PDE1A: variants seen among roughly 807,000 people sequenced by gnomAD.
PDE1A encodes the protein dual specificity calcium/calmodulin-dependent 3',5'-cyclic nucleotide phosphodiesterase 1A.
Under a neutral mutation model 61.7 loss-of-function variants are expected in PDE1A, and 35 were observed. The observed-to-expected ratio is 0.57, with a 90% CI of 0.43 to 0.75. PDE1A has a LOEUF of 0.75. Among genes scored for constraint, PDE1A ranks in the 30% least tolerant of loss-of-function variants. The pLI, the probability that PDE1A is intolerant of heterozygous loss-of-function variation, is 0.00. For synonymous variants in PDE1A, 232 were observed against 213.2 expected (o/e 1.09, Z -0.77); for missense variants, 597 against 630.6 (o/e 0.95, Z 0.57).
intron 1 of PDE1A, among the ~76,000 whole-genome samples, chr2:182,343,160 CATAATTCAATTT>C (rs1320260930): frequency 1.1e-4 from 17 of 152,204 alleles, no homozygotes; most frequent in South Asian, 2.1e-4. Flanking sequence ...TTAGAGTGTG[CATAATTCAATTT>C]ACAATGTCAC....
the PDE1A span, among the ~76,000 whole-genome samples, chr2:182,623,401 GA>G: frequency 1.3e-5 from 2 of 151,890 alleles, no homozygotes; most frequent in Admixed American, 6.6e-5. Flanking sequence ...CCAAAAGACA[GA>G]AAAAAAACAT....
chr2:182,193,715 ATATAAC>A (rs1327794312), intron 10 of PDE1A, among the ~76,000 whole-genome samples: 5 of 152,174 alleles, frequency 3.3e-5, no homozygotes, highest in Non-Finnish European at 7.4e-5. Flanking sequence ...TATTGGTCTG[ATATAAC>A]TATATTTCTG....
At chr2:182,224,865 C>T (rs2125614556) in intron 6 of PDE1A, among the ~76,000 whole-genome samples, 1 of 152,018 alleles carries the variant, frequency 6.6e-6, no homozygotes, top group Middle Eastern at 3.4e-3. Context: ...CAAAACATTT[C>T]CATCACCACA....
the PDE1A span, among the ~76,000 whole-genome samples, chr2:182,654,568 T>C: frequency 6.6e-6 from 1 of 152,184 alleles, no homozygotes; most frequent in South Asian, 2.1e-4. Flanking sequence ...GCTCAGATAA[T>C]TTATCCAAAG....
intron 1 of PDE1A, among the ~76,000 whole-genome samples, chr2:182,329,791 T>C (rs1246976940): frequency 6.6e-6 from 1 of 152,218 alleles, no homozygotes; most frequent in East Asian, 1.9e-4. Flanking sequence ...GTTTTCTTCA[T>C]ACTAATTATC....
intron 2 of PDE1A, among the ~76,000 whole-genome samples, chr2:182,467,522 G>C (rs1686751652): frequency 6.6e-6 from 1 of 151,850 alleles, no homozygotes; most frequent in South Asian, 2.1e-4. Flanking sequence ...TCAGAGAGTA[G>C]AGTATTAGAA....
At chr2:182,385,232 C>G (rs573070774) in intron 1 of PDE1A, among the ~76,000 whole-genome samples, 1 of 152,278 alleles carries the variant, frequency 6.6e-6, no homozygotes, top group East Asian at 1.9e-4. Context: ...AAGTACAAAT[C>G]TCACTGCTAG....
intron 2 of PDE1A, among the ~76,000 whole-genome samples, chr2:182,255,486 G>T (rs1691709276): frequency 6.6e-6 from 1 of 152,006 alleles, no homozygotes; most frequent in Non-Finnish European, 1.5e-5. Flanking sequence ...TCATACGTTA[G>T]CCATAACTCT....
intron 1 of PDE1A, among the ~76,000 whole-genome samples, chr2:182,321,434 TC>T (rs1696683154): frequency 6.6e-6 from 1 of 152,198 alleles, no homozygotes; most frequent in Non-Finnish European, 1.5e-5. Flanking sequence ...AAATTAACTT[TC>T]CTTCCAAAAT....
At chr2:182,198,685 CTA>C (rs898007027) in intron 10 of PDE1A, among the ~76,000 whole-genome samples, 7 of 151,616 alleles carry the variant, frequency 4.6e-5, no homozygotes, top group Non-Finnish European at 1.0e-4. Flanking sequence ...ATGATATGCA[CTA>C]TCTTACTAAA....
At position 182,284,036 on chromosome 2, in the gene PDE1A, G is replaced by A. The variant is rs559033162; in HGVS notation, c.54-19622C>T. Among the ~76,000 whole-genome samples, 304 of 152,128 alleles carry A rather than the reference G, an allele frequency of 2.0e-3. 1 individual carries two copies. Among genetic ancestry groups the A allele is most frequent in the African/African-American group, 7.1e-3 (294 of 41,520 alleles). ...TTTTCTCTGGGATACAACTGTATCA[G>A]GTCCCAGCTTTCAAGCGGCTAGTGA... On this transcript the variant is annotated intron_variant, in intron 1 of 13. Transcript: ENST00000351439.
intron 1 of PDE1A, among the ~76,000 whole-genome samples, chr2:182,381,369 C>T (rs1256006635): frequency 6.6e-6 from 1 of 152,052 alleles, no homozygotes; most frequent in Admixed American, 6.5e-5. Context: ...CTAATTAGGC[C>T]AAAATGTGAT....
chr2:182,198,146 T>G (rs116554303), intron 10 of PDE1A, among the ~76,000 whole-genome samples: 7 of 151,864 alleles, frequency 4.6e-5, no homozygotes, highest in African/African-American at 1.7e-4. Flanking sequence ...AATTTTATTA[T>G]TTTATGCTGT....
the PDE1A span, among the ~76,000 whole-genome samples, chr2:182,712,556 C>A: frequency 2.6e-5 from 4 of 151,984 alleles, no homozygotes; most frequent in Non-Finnish European, 5.9e-5. Flanking sequence ...AATTCTTTTC[C>A]ATTTTTTTCT....
the PDE1A span, among the ~76,000 whole-genome samples, chr2:182,696,570 G>A: frequency 1.3e-5 from 2 of 152,248 alleles, no homozygotes; most frequent in East Asian, 3.9e-4. Context: ...TTATACATTT[G>A]TTCAAATCTA....
intron 1 of PDE1A, among the ~76,000 whole-genome samples, chr2:182,277,486 C>T (rs1693508043): frequency 6.6e-6 from 1 of 152,086 alleles, no homozygotes. Context: ...CAAGAGACCA[C>T]CATAGTCTCA....
At chr2:182,314,077 T>C (rs774562201) in intron 1 of PDE1A, among the ~76,000 whole-genome samples, 1 of 152,242 alleles carries the variant, frequency 6.6e-6, no homozygotes, top group Non-Finnish European at 1.5e-5. Context: ...TACACAGATT[T>C]GTACACTAAC....
intron 5 of PDE1A, among the ~76,000 whole-genome samples, chr2:182,230,689 G>A (rs1574086447): frequency 6.6e-6 from 1 of 152,124 alleles, no homozygotes; most frequent in Non-Finnish European, 1.5e-5. Context: ...GGTTCATTCT[G>A]TATTTTAGGA....
chr2:182,396,316 T>C (rs1425517198), intron 1 of PDE1A, among the ~76,000 whole-genome samples: 1 of 152,226 alleles, frequency 6.6e-6, no homozygotes, highest in African/African-American at 2.4e-5. Flanking sequence ...CTTCGAGCAG[T>C]GCACCTGGTT....
Sources: allele counts gnomAD v4.1 joint callset (sites outside exome capture counted in the v4.1 genomes callset), GRCh38; gene constraint gnomAD v4.1.1; transcripts MANE v1.5; gene names NCBI Gene and HGNC (gene_info 2026-07-23, HGNC 2026-07-21).